TBC1D16: variants seen among roughly 807,000 people sequenced by gnomAD.
TBC1D16 encodes the protein CTD-2529O21.1.
In TBC1D16, 58 loss-of-function variants were observed where a neutral mutation model predicts 74.7. The ratio of observed to expected loss-of-function variants is 0.78; its 90% CI spans 0.63 to 0.97. The LOEUF (loss-of-function observed/expected upper bound fraction) is 0.97, where lower values mean the gene tolerates loss of function less well. Ranked by LOEUF, TBC1D16 falls within the 50% of genes least tolerant of loss-of-function variation. The probability of loss-of-function intolerance (pLI) is 0.00; values close to 1 mark genes in which losing one functional copy is unlikely to be tolerated. For missense variants in TBC1D16, 1,014 were observed against 1,079.5 expected (o/e 0.94, Z 0.85); for synonymous variants, 493 against 474.7 (o/e 1.04, Z -0.50).
chr17:79,933,414 TGTC>T lies in TBC1D16; in HGVS notation c.*7442_*7444del, dbSNP rs2031381458. The T allele has an allele frequency of 6.6e-6, 1 of 152,056 alleles. No homozygotes were observed. The highest frequency in any genetic ancestry group is 1.5e-5 in the Non-Finnish European group (1 of 68,004). The allele number at this position is 152,056 out of a possible 1,614,324, so 9.4% of individuals were successfully genotyped here. A position where few individuals can be genotyped will look rare whatever the true frequency, so the allele number is the denominator to read the frequency against. ...GGATTCCTTGAGTTTGGACAAAGGG[TGTC>T]CCGACGACGATAAAGAGCCAGGAGC... On this transcript the variant is annotated 3_prime_UTR_variant, in exon 12 of 12. Transcript: ENST00000310924.
chr17:80,031,842 A>G (rs1388726720), intron 1 of TBC1D16, among the ~76,000 whole-genome samples: 2 of 152,138 alleles, frequency 1.3e-5, no homozygotes, highest in Admixed American at 6.5e-5. Flanking sequence ...GGTACCTCCT[A>G]CTTCTATGCT....
intron 3 of TBC1D16, among the ~76,000 whole-genome samples, chr17:79,998,640 C>T (rs959411592): frequency 6.6e-6 from 1 of 151,802 alleles, no homozygotes; most frequent in Non-Finnish European, 1.5e-5. Flanking sequence ...CCACCGCACC[C>T]GGCCCAGATT....
rs2035450767 is a variant in TBC1D16, at chr17:80,000,611, C to T, written c.779+9549G>A. On this transcript the variant is annotated intron_variant, in intron 3 of 11. Transcript: ENST00000310924. This position sits in a 1 kb window ranked among gnomAD's most constrained non-coding sequence, Gnocchi z 4.1. ...GGTTTGTGGTCCTTTGTCACAGCAG[C>T]CCCAGGACACTGATACGAGCACGTC... is the stretch of plus-strand genomic sequence containing the variant. Among the ~76,000 whole-genome samples the T allele has an allele frequency of 6.6e-6, 1 of 152,198 alleles. No individual in the cohort carries two copies. The highest frequency in any genetic ancestry group is 1.9e-4 in the East Asian group (1 of 5,194).
intron 3 of TBC1D16, among the ~76,000 whole-genome samples, chr17:79,960,778 C>T (rs149127315): frequency 4.3e-5 from 1 of 23,150 alleles, no homozygotes; most frequent in Admixed American, 4.2e-4. Flanking sequence ...AAACAAAAAC[C>T]CAAAAAAAAA....
rs191195222 is a variant in TBC1D16 at position 79,974,458 on chromosome 17, G to A, written c.780-21640C>T. On this transcript the variant is annotated intron_variant, in intron 3 of 11. Coordinates refer to ENST00000310924, the MANE Select transcript of TBC1D16 (RefSeq NM_019020.4). ...TCCCCATGCTGCCCAGGCTGGTCTC[G>A]AACTCCTGACCTCAGGTGATCCACC... 1.0e-3 allele frequency among the ~76,000 whole-genome samples: 157 copies of A among 152,172 alleles called. 1 individual carries two copies. The highest frequency in any genetic ancestry group is 5.4e-4 in the Non-Finnish European group (37 of 68,000).
rs1248128875 is a variant in TBC1D16 at position 79,944,886 on chromosome 17, C to A, written c.1908+22G>T. 24 of 1,543,104 alleles carry A rather than the reference C, an allele frequency of 1.6e-5. No homozygotes were observed. The highest frequency in any genetic ancestry group is 2.0e-5 in the Non-Finnish European group (23 of 1,144,230). On this transcript the variant is annotated intron_variant, in intron 10 of 11. Coordinates refer to ENST00000310924, the MANE Select transcript of TBC1D16 (RefSeq NM_019020.4). This position sits in a 1 kb window ranked among gnomAD's most constrained non-coding sequence, Gnocchi z 7.7. ...GGGGCCATGGTCCCAACCTCCCCAG[C>A]CCTGGCCCCTGCCCTGGTCACCTGG...
rs2033237037 is a variant in TBC1D16, at chr17:79,954,437, A to T, written c.780-1619T>A. Reference sequence around the variant, plus strand: ...TCTTCCCCACCTGCCTAAGGAAGTCAGCCGAACAGGTCCTCCCACTGCTGG... The same window carrying T: ...TCTTCCCCACCTGCCTAAGGAAGTCTGCCGAACAGGTCCTCCCACTGCTGG... On this transcript the variant is annotated intron_variant, in intron 3 of 11. Coordinates refer to ENST00000310924, the MANE Select transcript of TBC1D16 (RefSeq NM_019020.4). The surrounding 1 kb of genome is among the most constrained non-coding windows in gnomAD (Gnocchi z 5.5). 6.6e-6 allele frequency among the ~76,000 whole-genome samples: 1 copy of T among 152,176 alleles called. No homozygotes were observed. Among genetic ancestry groups the T allele is most frequent in the African/African-American group, 2.4e-5 (1 of 41,442 alleles).
At chr17:80,014,166 G>C (rs1296163255) in intron 1 of TBC1D16, among the ~76,000 whole-genome samples, 1 of 152,122 alleles carries the variant, frequency 6.6e-6, no homozygotes, top group Non-Finnish European at 1.5e-5. Context: ...AGACCAGCCT[G>C]GCCAACATGG....
intron 3 of TBC1D16, among the ~76,000 whole-genome samples, chr17:79,972,862 G>A (rs921701858): frequency 2.0e-5 from 3 of 151,684 alleles, no homozygotes; most frequent in Non-Finnish European, 1.5e-5. Flanking sequence ...GGAGTGGATC[G>A]CCTGAGCTTA....
chr17:80,003,039 A>G (rs1191041784), intron 3 of TBC1D16, among the ~76,000 whole-genome samples: 1 of 152,200 alleles, frequency 6.6e-6, no homozygotes, highest in Non-Finnish European at 1.5e-5. Flanking sequence ...AGAGGAGAAC[A>G]TTCCAGCTGC....
intron 3 of TBC1D16, among the ~76,000 whole-genome samples, chr17:79,965,639 C>T (rs2033811576): frequency 6.6e-6 from 1 of 152,094 alleles, no homozygotes; most frequent in Admixed American, 6.5e-5. Context: ...TTCAGAATGG[C>T]CCACAGCAGG....
rs1323748645 is a variant in TBC1D16, at chr17:80,035,508, G to A, written c.-63+287C>T. 6.6e-6 allele frequency among the ~76,000 whole-genome samples: 1 copy of A among 151,934 alleles called. No individual in the cohort carries two copies. Among genetic ancestry groups the A allele is most frequent in the Non-Finnish European group, 1.5e-5 (1 of 67,948 alleles). ...CAGACAGGCGGGGACCAGTCTCCCC[G>A]AATTAGGCCCATTCCGGGCCCGGGC... On this transcript the variant is annotated intron_variant, in intron 1 of 11. Coordinates refer to ENST00000310924, the MANE Select transcript of TBC1D16 (RefSeq NM_019020.4). This position sits in a 1 kb window ranked among gnomAD's most constrained non-coding sequence, Gnocchi z 5.3.
At chr17:80,027,427 T>C in intron 1 of TBC1D16, among the ~76,000 whole-genome samples, 1 of 151,988 alleles carries the variant, frequency 6.6e-6, no homozygotes, top group East Asian at 1.9e-4. Context: ...AGAAACCTTG[T>C]CTCTACAAAA....
chr17:79,942,733 A>G (rs2032135450), intron 10 of TBC1D16, among the ~76,000 whole-genome samples: 2 of 152,210 alleles, frequency 1.3e-5, no homozygotes, highest in Admixed American at 1.3e-4. Context: ...ATCATGCCCC[A>G]GAGATGACTC....
Position 79,942,160 on chromosome 17 carries a change from T to C in TBC1D16, c.1955A>G (p.Tyr652Cys). 1 of 1,609,550 alleles carries C rather than the reference T, an allele frequency of 6.2e-7. No homozygotes were observed. ...LFICVAIVAI[Y>C]GDDVIEQQLA... ...CTGCTGCTCGATGACGTCATCCCCG[T>C]AGATGGCCACGATGGCCACGCAGAT... is the stretch of plus-strand genomic sequence containing the variant. The change falls in exon 11 of 12, where the codon TAC becomes TGC. Residue 652 changes from tyrosine (Y) to cysteine (C), a missense_variant. Transcript: ENST00000310924.
chr17:79,980,106 C>T lies in TBC1D16; in HGVS notation c.780-27288G>A, dbSNP rs2034520516. 6.6e-6 allele frequency among the ~76,000 whole-genome samples: 1 copy of T among 152,208 alleles called. No individual in the cohort carries two copies. The highest frequency in any genetic ancestry group is 1.5e-5 in the Non-Finnish European group (1 of 68,044). ...GAGGTTCATCTGGGCCTCCGAGCCT[C>T]CCAGCGCATCCCACTGCTCTGCAGA... On this transcript the variant is annotated intron_variant, in intron 3 of 11. Coordinates refer to ENST00000310924, the MANE Select transcript of TBC1D16 (RefSeq NM_019020.4). The surrounding 1 kb of genome is among the most constrained non-coding windows in gnomAD (Gnocchi z 7.0).
chr17:79,996,441 C>T (rs2035275053), intron 3 of TBC1D16, among the ~76,000 whole-genome samples: 1 of 152,154 alleles, frequency 6.6e-6, no homozygotes, highest in Non-Finnish European at 1.5e-5. Context: ...GATGTCACTA[C>T]ACACCCATCA....
rs1286618752 is a variant in TBC1D16 at position 79,975,589 on chromosome 17, T to C, written c.780-22771A>G. ...AAAGGATCAACGAGTGACAGAGGGT[T>C]GGGGACTGGGGGGGTCGTGCATGAA... On this transcript the variant is annotated intron_variant, in intron 3 of 11. Transcript: ENST00000310924. This position sits in a 1 kb window ranked among gnomAD's most constrained non-coding sequence, Gnocchi z 4.5. Among the ~76,000 whole-genome samples, 1 of 152,156 alleles carries C rather than the reference T, an allele frequency of 6.6e-6. No homozygotes were observed. The highest frequency in any genetic ancestry group is 1.5e-5 in the Non-Finnish European group (1 of 68,034).
intron 9 of TBC1D16, 50 bp downstream of exon 9, chr17:79,947,594 CA>C: frequency 6.3e-7 from 1 of 1,590,116 alleles, no homozygotes; most frequent in Non-Finnish European, 8.6e-7. Flanking sequence ...ACGGGAGAGG[CA>C]ACACGGGCCC....
Sources: gnomAD v4.1 joint callset for allele counts (sites outside exome capture counted in the v4.1 genomes callset) on GRCh38, gnomAD v4.1.1 for gene constraint, Gnocchi (gnomAD v3.1) non-coding constraint, MANE v1.5 for transcripts, NCBI Gene and HGNC (gene_info 2026-07-23, HGNC 2026-07-21) for gene names.